Variants in REC8 observed in about 807,000 individuals in gnomAD.
REC8 encodes meiotic recombination protein REC8 homolog.
Under a neutral mutation model 78.3 loss-of-function variants are expected in REC8, and 42 were observed. The observed-to-expected ratio is 0.54, with a 90% CI of 0.42 to 0.69. REC8 has a LOEUF of 0.69. Among genes scored for constraint, REC8 ranks in the 30% least tolerant of loss-of-function variants. REC8 has a pLI of 0.00. For missense variants in REC8, 581 were observed against 715.8 expected, an observed-to-expected ratio of 0.81 and a Z score of 2.15; for synonymous variants, 268 against 274.1, an observed-to-expected ratio of 0.98 and a Z score of 0.22.
chr14:24,178,222 T>C lies in REC8; in HGVS notation c.996T>C (p.Cys332=). 4 of 1,613,262 alleles carry C rather than the reference T, an allele frequency of 2.5e-6. No homozygotes were observed. The highest frequency in any genetic ancestry group is 3.4e-6 in the Non-Finnish European group (4 of 1,179,394). ...QLQTRAHCWE[C]PMVQPPERTI... ...AAACCAGAGCCCACTGCTGGGAATG[T>C]GTGAGTGCAGCCCAGGCTTTGCCGG... The change falls in exon 12 of 19, where the codon TGT becomes TGC. Residue 332 remains cysteine, a splice_region_variant and synonymous_variant. Transcript: ENST00000611366.
At chr14:24,177,566 G>T in intron 10 of REC8, 25 bp downstream of exon 10, 1 of 1,603,068 alleles carries the variant, frequency 6.2e-7, no homozygotes, top group Non-Finnish European at 8.5e-7. Flanking sequence ...TGCCCCAGGG[G>T]CTTTTCTGGG....
At chr14:24,175,994 T>C (rs1323946546) in intron 6 of REC8, among the ~76,000 whole-genome samples, 4 of 150,392 alleles carry the variant, frequency 2.7e-5, no homozygotes, top group Admixed American at 2.6e-4. Context: ...TGAGCCACCG[T>C]GCCTGGTGAG....
Position 24,172,780 on chromosome 14 carries a change from T to C in REC8, c.124T>C (p.Cys42Arg). The C allele has an allele frequency of 1.2e-6, 2 of 1,614,050 alleles. No individual in the cohort carries two copies. The highest frequency in any genetic ancestry group is 1.1e-5 in the South Asian group (1 of 91,080). The change falls in exon 2 of 19, where the codon TGC (cysteine) becomes CGC (arginine). Residue 42 changes from cysteine to arginine, a missense_variant and splice_region_variant. By Grantham distance (180) the Cys-to-Arg change is radical. Transcript: ENST00000611366. ...CCTGAGGGTGAATGTGGTGAAAACC[T>C]GGTAAGGCCCAGAAAAGGGAAGGAG... ...EYLRVNVVKTCEEILNYVLVR... is the reference protein window; with the variant it reads ...EYLRVNVVKTREEILNYVLVR...
intron 12 of REC8, 52 bp downstream of exon 12, chr14:24,178,274 G>A (rs1362526080): frequency 6.5e-7 from 1 of 1,526,838 alleles, no homozygotes; most frequent in Non-Finnish European, 9.1e-7. Flanking sequence ...GGGATGACCA[G>A]GGGCACATGC....
intron 13 of REC8, 26 bp from the exon 14 acceptor site, chr14:24,178,751 C>T (rs1885710): frequency 0.54 from 868,113 of 1,607,998 alleles, 244,617 homozygotes; most frequent in East Asian, 0.94. Context: ...CCTCAAACCC[C>T]GTGCCTACTA....
intron 6 of REC8, among the ~76,000 whole-genome samples, 155 bp downstream of exon 6, chr14:24,175,779 G>C (rs757099672): frequency 4.6e-5 from 7 of 151,264 alleles, no homozygotes; most frequent in Non-Finnish European, 1.0e-4. Flanking sequence ...CTACAGTGCA[G>C]TGGCACGATC....
Position 24,176,882 on chromosome 14 carries a change from T to A in REC8, c.605T>A (p.Ile202Lys). The change falls in exon 7 of 19, where the codon ATA becomes AAA. Residue 202 changes from isoleucine to lysine, a missense_variant. By Grantham distance (102) the Ile-to-Lys change is moderately radical. Transcript: ENST00000611366. Reference protein sequence around the residue: ...EAITILEAEPIRMLEIEGERE... With the variant: ...EAITILEAEPKRMLEIEGERE... ...ATCACGATCCTGGAGGCAGAGCCCA[T>A]ACGGATGCTGGAGATTGAGGTGAGT... 6.2e-7 allele frequency: 1 copy of A among 1,613,738 alleles called. No individual in the cohort carries two copies. The highest frequency in any genetic ancestry group is 1.1e-5 in the South Asian group (1 of 90,998).
At chr14:24,175,854 T>C (rs1450155851) in intron 6 of REC8, among the ~76,000 whole-genome samples, 6 of 151,028 alleles carry the variant, frequency 4.0e-5, no homozygotes, top group East Asian at 4.0e-4. Context: ...AGATGTGCAC[T>C]ACCATGCCCG....
intron 7 of REC8, 22 bp downstream of exon 7, chr14:24,176,923 G>T (rs367649032): frequency 6.3e-7 from 1 of 1,594,216 alleles, no homozygotes; most frequent in Non-Finnish European, 8.6e-7. Context: ...TGCACACAGG[G>T]CCTGAGGTCC....
chr14:24,178,272 C>G (rs752183622), intron 12 of REC8, 50 bp downstream of exon 12: 4 of 1,533,842 alleles, frequency 2.6e-6, no homozygotes, highest in South Asian at 1.1e-5. Context: ...CAGGGATGAC[C>G]AGGGGCACAT....
rs372312439 is a variant in REC8 at position 24,179,836 on chromosome 14, C to T, written c.1488C>T (p.Pro496=). 8.7e-6 allele frequency: 14 copies of T among 1,613,122 alleles called. No individual in the cohort carries two copies. Among genetic ancestry groups the T allele is most frequent in the South Asian group, 2.2e-5 (2 of 90,954 alleles). The stretch of plus-strand genomic sequence containing the variant: ...TGGAGCTGCAGGCTAACAGGGAGCC[C>T]GACTTCAGCAGCCTGGTGTCACCTC... The part of the protein sequence containing the change: ...VALELQANRE[P]DFSSLVSPLS... Residue 496 remains proline, a synonymous_variant, in exon 18 of 19, where the codon CCC becomes CCT. Coordinates refer to ENST00000611366, the MANE Select transcript of REC8 (RefSeq NM_001048205.2).
chr14:24,180,434 C>T (rs2039112525), downstream of REC8: 3 of 1,603,026 alleles, frequency 1.9e-6, no homozygotes, highest in South Asian at 3.3e-5. Context: ...CTGGCTGCAG[C>T]CTGCAGTCTA....
intron 5 of REC8, chr14:24,175,296 G>C (rs539435274): frequency 1.4e-5 from 5 of 355,170 alleles, no homozygotes; most frequent in African/African-American, 1.1e-4. Flanking sequence ...ATGAGCCACC[G>C]AGCCCGGCCT....
At position 24,172,308 on chromosome 14, in the gene REC8, C is replaced by T; in HGVS notation, c.-245C>T. ...CAAGTTTGACGCATCACGTGGCGTG[C>T]GGATCCACTGAGGGTCCACAGAGAG... is the stretch of plus-strand genomic sequence containing the variant. On this transcript the variant is annotated 5_prime_UTR_variant, in exon 1 of 19. Transcript: ENST00000611366. 1.9e-6 allele frequency: 1 copy of T among 537,060 alleles called. No individual in the cohort carries two copies. Among genetic ancestry groups the T allele is most frequent in the Non-Finnish European group, 3.3e-6 (1 of 303,978 alleles). The allele number at this position is 537,060 out of a possible 1,614,324, so 33.3% of individuals were successfully genotyped here. A position where few individuals can be genotyped will look rare whatever the true frequency, so the allele number is the denominator to read the frequency against.
chr14:24,176,081 T>G (rs557567344), intron 6 of REC8, among the ~76,000 whole-genome samples: 1 of 151,960 alleles, frequency 6.6e-6, no homozygotes, highest in African/African-American at 2.4e-5. Flanking sequence ...TTTTTTTTTT[T>G]TGAGAGATGG....
In REC8 at chr14:24,179,481, G is replaced by T; in HGVS notation, c.1319+18G>T. The stretch of plus-strand genomic sequence containing the variant: ...GAACGGTGGTAAGCGGCCAGGCTCC[G>T]TGGGAGCCAGGGCCCACAGCCCTTG... On this transcript the variant is annotated intron_variant, in intron 16 of 18. Transcript: ENST00000611366. 1 of 1,613,698 alleles carries T rather than the reference G, an allele frequency of 6.2e-7. No individual in the cohort carries two copies. Among genetic ancestry groups the T allele is most frequent in the Non-Finnish European group, 8.5e-7 (1 of 1,179,614 alleles).
At chr14:24,178,530 G>T in intron 12 of REC8, 76 bp from the exon 13 acceptor site, 1 of 1,451,054 alleles carries the variant, frequency 6.9e-7, no homozygotes, top group Non-Finnish European at 9.6e-7. Flanking sequence ...CCAGAACAGT[G>T]CATTGCAAAG....
At chr14:24,176,007 G>A (rs571576633) in intron 6 of REC8, among the ~76,000 whole-genome samples, 71 of 149,504 alleles carry the variant, frequency 4.7e-4, no homozygotes, top group Non-Finnish European at 8.4e-4. Context: ...CTGGTGAGGG[G>A]CATTTTATGT....
At chr14:24,180,648 C>T, downstream of REC8, 1 of 1,613,084 alleles carries the variant, frequency 6.2e-7, no homozygotes, top group Non-Finnish European at 8.5e-7. Context: ...CCTGCCACTC[C>T]CAGCCTCCCG....
Sources: allele counts gnomAD v4.1 joint callset (sites outside exome capture counted in the v4.1 genomes callset), GRCh38; gene constraint gnomAD v4.1.1; transcripts MANE v1.5; gene names NCBI Gene and HGNC (gene_info 2026-07-23, HGNC 2026-07-21).